KIF26B: variants seen among roughly 807,000 people sequenced by gnomAD.
The protein encoded by KIF26B is kinesin family member 26B.
In KIF26B, 63 loss-of-function variants were observed where a neutral mutation model predicts 151.2. That is an observed-to-expected ratio of 0.42 (90% CI 0.34 to 0.51). The LOEUF is 0.51. Among genes scored for constraint, KIF26B ranks in the 20% least tolerant of loss-of-function variants. The pLI is 0.07. For synonymous variants in KIF26B, 1,357 were observed against 1,262.1 expected (o/e 1.08, Z -1.59); for missense variants, 2,813 against 2,913.6 (o/e 0.97, Z 0.79).
intron 2 of KIF26B, among the ~76,000 whole-genome samples, chr1:245,326,043 A>G (rs957651625): frequency 6.6e-6 from 1 of 152,134 alleles, no homozygotes; most frequent in Non-Finnish European, 1.5e-5. Context: ...AGGGACTCAG[A>G]ACTCCACTCC....
In KIF26B at chr1:245,685,638, C is replaced by T. The variant is rs190318015; in HGVS notation, c.2655C>T (p.Gly885=). 2.7e-5 allele frequency: 44 copies of T among 1,613,234 alleles called. 1 individual carries two copies. Among genetic ancestry groups the T allele is most frequent in the Non-Finnish European group, 1.7e-5 (20 of 1,179,696 alleles). ...LSDKELTDNE[G]PPDFVPIVPA... is the part of the protein sequence containing the mutation. ...ACAAGGAGCTCACCGACAACGAGGGCCCCCCAGACTTTGTCCCTATCGTGC... is the reference window on the plus strand; with the variant it reads ...ACAAGGAGCTCACCGACAACGAGGGTCCCCCAGACTTTGTCCCTATCGTGC... The change falls in exon 12 of 15, where the codon GGC becomes GGT. Residue 885 remains glycine (G), a synonymous_variant. Transcript: ENST00000407071.
chr1:245,471,974 T>C (rs930300453), intron 4 of KIF26B, among the ~76,000 whole-genome samples: 1 of 152,164 alleles, frequency 6.6e-6, no homozygotes, highest in African/African-American at 2.4e-5. Flanking sequence ...GTATTTTTAG[T>C]AGAGATGGGG....
At chr1:245,441,908 A>C (rs565777857) in intron 4 of KIF26B, among the ~76,000 whole-genome samples, 1 of 152,178 alleles carries the variant, frequency 6.6e-6, no homozygotes, top group South Asian at 2.1e-4. Flanking sequence ...AAGTGCACAG[A>C]ATCCACAGAC....
chr1:245,295,410 G>A (rs1476635876), intron 2 of KIF26B, among the ~76,000 whole-genome samples: 1 of 152,186 alleles, frequency 6.6e-6, no homozygotes, highest in African/African-American at 2.4e-5. Flanking sequence ...GTGGCAGATG[G>A]CTAAGGTCGA....
chr1:245,620,577 T>A (rs1365565606), intron 9 of KIF26B, among the ~76,000 whole-genome samples: 1 of 152,032 alleles, frequency 6.6e-6, no homozygotes, highest in Non-Finnish European at 1.5e-5. Flanking sequence ...TAGTTTATAT[T>A]TTTTTGTAGA....
intron 9 of KIF26B, among the ~76,000 whole-genome samples, chr1:245,629,837 A>G (rs1345181943): frequency 6.6e-6 from 1 of 152,212 alleles, no homozygotes; most frequent in Non-Finnish European, 1.5e-5. Flanking sequence ...AGTTTTTGCA[A>G]TCTATCCATC....
chr1:245,222,904 C>T (rs945916779), intron 2 of KIF26B, among the ~76,000 whole-genome samples: 1 of 152,162 alleles, frequency 6.6e-6, no homozygotes, highest in African/African-American at 2.4e-5. Flanking sequence ...TTCAGTAAAA[C>T]TGAAAGAATT....
At chr1:245,615,639 G>C (rs568992787) in intron 9 of KIF26B, among the ~76,000 whole-genome samples, 11 of 152,262 alleles carry the variant, frequency 7.2e-5, no homozygotes, top group South Asian at 4.1e-4. Context: ...ATGCATTCAG[G>C]TTAAAAGAAA....
Position 245,667,945 on chromosome 1 carries a change from C to T in KIF26B, c.2259-16288C>T, listed in dbSNP as rs184288160. On this transcript the variant is annotated intron_variant, in intron 10 of 14. Transcript: ENST00000407071. The surrounding 1 kb of genome is among the most constrained non-coding windows in gnomAD (Gnocchi z 4.3). ...TCACTCTGTCACCCAGGCTGGAGTG[C>T]AGTGCAGTGGCGCAATCTCAGCTCA... 1.3e-4 allele frequency among the ~76,000 whole-genome samples: 20 copies of T among 152,286 alleles called. No individual in the cohort carries two copies. The highest frequency in any genetic ancestry group is 2.1e-4 in the Non-Finnish European group (14 of 68,014).
chr1:245,616,195 C>T (rs2043588807), intron 9 of KIF26B, among the ~76,000 whole-genome samples: 1 of 152,172 alleles, frequency 6.6e-6, no homozygotes, highest in South Asian at 2.1e-4. Flanking sequence ...ATAGAAAAGT[C>T]TTTGTTGATG....
Position 245,369,168 on chromosome 1 carries a change from T to TGAGAGAGAGGGAGAGAGAGAGAGA in KIF26B, c.999+1810_999+1811insGGAGAGAGAGAGAGAGAGAGAGAG, listed in dbSNP as rs1396163965. On this transcript the variant is annotated intron_variant, in intron 3 of 14. Coordinates refer to ENST00000407071, the MANE Select transcript of KIF26B (RefSeq NM_018012.4). ...ACTCTGAATTGGGAAAAAAGAAGAG[T>TGAGAGAGAGGGAGAGAGAGAGAGA]GAGAGAGAGAGAGAGAGAGAGAGAG... is the stretch of plus-strand genomic sequence containing the variant. Among the ~76,000 whole-genome samples the TGAGAGAGAGGGAGAGAGAGAGAGA allele has an allele frequency of 1.5e-3, 210 of 135,846 alleles. 1 individual carries two copies. Among genetic ancestry groups the TGAGAGAGAGGGAGAGAGAGAGAGA allele is most frequent in the African/African-American group, 5.1e-3 (199 of 38,746 alleles). 89.1% of individuals were successfully genotyped at this position (135,846 alleles called of 152,430 possible).
In KIF26B at chr1:245,170,336, C is replaced by T. The variant is rs182879961; in HGVS notation, c.465+13653C>T. 1.3e-4 allele frequency among the ~76,000 whole-genome samples: 20 copies of T among 152,274 alleles called. No individual in the cohort carries two copies. The highest frequency in any genetic ancestry group is 9.6e-4 in the East Asian group (5 of 5,192). Reference sequence around the variant, plus strand: ...TCCTTGCATTTCTTGTCAGTCAATACGTCCTTGTTTTGGCTAAGTCTCATG... The same window carrying T: ...TCCTTGCATTTCTTGTCAGTCAATATGTCCTTGTTTTGGCTAAGTCTCATG... On this transcript the variant is annotated intron_variant, in intron 2 of 14. Coordinates refer to ENST00000407071, the MANE Select transcript of KIF26B (RefSeq NM_018012.4). The surrounding 1 kb of genome is among the most constrained non-coding windows in gnomAD (Gnocchi z 4.4).
intron 3 of KIF26B, among the ~76,000 whole-genome samples, chr1:245,385,023 AT>A (rs767097525): frequency 2.6e-5 from 4 of 152,266 alleles, no homozygotes; most frequent in Non-Finnish European, 4.4e-5. Context: ...TAGCTTGTAA[AT>A]TATTCATACT....
intron 4 of KIF26B, among the ~76,000 whole-genome samples, chr1:245,487,044 C>A (rs573261434): frequency 3.2e-4 from 48 of 152,128 alleles, no homozygotes; most frequent in Non-Finnish European, 6.0e-4. Flanking sequence ...CAATAGTAAA[C>A]CTTCATGGCT....
chr1:245,155,294 C>G lies in KIF26B; in HGVS notation c.-131C>G, dbSNP rs560981042. The G allele has an allele frequency of 1.1e-4, 77 of 717,206 alleles. No homozygotes were observed. The African/African-American group carries it at 1.3e-3, about 12-fold the overall frequency. The allele number at this position is 717,206 out of a possible 1,614,324, so 44.4% of individuals were successfully genotyped here. A position where few individuals can be genotyped will look rare whatever the true frequency, so the allele number is the denominator to read the frequency against. ...CATTTGCTTTCATTCCCTCCCACCC[C>G]ACCGCTGAAGAAACCTTGCCCTGAG... On this transcript the variant is annotated 5_prime_UTR_variant, in exon 1 of 15. Coordinates refer to ENST00000407071, the MANE Select transcript of KIF26B (RefSeq NM_018012.4).
At chr1:245,695,645 G>A (rs956905370) in intron 12 of KIF26B, among the ~76,000 whole-genome samples, 2 of 152,244 alleles carry the variant, frequency 1.3e-5, no homozygotes, top group African/African-American at 4.8e-5. Flanking sequence ...GAAGTTCAAG[G>A]TTGCTAGATG....
chr1:245,691,574 A>G (rs1008342590), intron 12 of KIF26B, among the ~76,000 whole-genome samples: 2 of 152,224 alleles, frequency 1.3e-5, no homozygotes, highest in African/African-American at 4.8e-5. Flanking sequence ...GCATAAATCA[A>G]AAGCAACTTC....
intron 2 of KIF26B, among the ~76,000 whole-genome samples, chr1:245,175,722 CT>C (rs979119911): frequency 2.0e-5 from 3 of 152,028 alleles, no homozygotes; most frequent in African/African-American, 7.2e-5. Flanking sequence ...CATATGATCT[CT>C]TTTATTGTAA....
rs1289875261 is a variant in KIF26B, at chr1:245,495,463, T to A, written c.1167-45304T>A. 6.6e-6 allele frequency among the ~76,000 whole-genome samples: 1 copy of A among 152,238 alleles called. No homozygotes were observed. Among genetic ancestry groups the A allele is most frequent in the Non-Finnish European group, 1.5e-5 (1 of 68,038 alleles). On this transcript the variant is annotated intron_variant, in intron 4 of 14. Transcript: ENST00000407071. The surrounding 1 kb of genome is among the most constrained non-coding windows in gnomAD (Gnocchi z 4.2). ...CATGGTAATCAGCATATCTATCAAC[T>A]CAAACATTTATCATGTCTTTGTGTT...
Sources: gnomAD v4.1 joint callset for allele counts (sites outside exome capture counted in the v4.1 genomes callset) on GRCh38, gnomAD v4.1.1 for gene constraint, Gnocchi (gnomAD v3.1) non-coding constraint, MANE v1.5 for transcripts, NCBI Gene and HGNC (gene_info 2026-07-23, HGNC 2026-07-21) for gene names.